The following FHL1 variants were observed in gnomAD, a reference collection of about 807,000 sequenced individuals.
FHL1 encodes four and a half LIM domains protein 1.
A neutral mutation model predicts 20.3 loss-of-function variants in FHL1; 1 was observed. The observed-to-expected ratio is 0.05, with a 90% CI of 0.02 to 0.23. FHL1 has a LOEUF of 0.23. FHL1 is among the 10% of genes least tolerant of loss of function. FHL1 has a pLI of 1.00. For missense variants in FHL1, 177 were observed against 234.0 expected (o/e 0.76, Z 1.59); for synonymous variants, 82 against 88.9 (o/e 0.92, Z 0.44).
At chrX:136,205,527 C>T (rs932817815) in intron 1 of FHL1, among the ~76,000 whole-genome samples, 32 of 112,007 alleles carry the variant, frequency 2.9e-4, no homozygotes, top group African/African-American at 9.7e-4. Context: ...GGTTGCCAAA[C>T]TTGCCTGTGC....
chrX:136,196,569 T>C (rs780319230), upstream of FHL1, among the ~76,000 whole-genome samples: 49 of 111,697 alleles, frequency 4.4e-4, no homozygotes, highest in Non-Finnish European at 7.0e-4. Context: ...AAGGAGGACA[T>C]AGAGTGACAA....
chrX:136,151,807 T>C (rs1490566450), intron 1 of FHL1, among the ~76,000 whole-genome samples: 1 of 112,338 alleles, frequency 8.9e-6, no homozygotes, highest in Non-Finnish European at 1.9e-5. Context: ...GCACTTACTC[T>C]GTGCCAGAGG....
At chrX:136,193,195 T>A (rs1022420901), upstream of FHL1, among the ~76,000 whole-genome samples, 1 of 111,579 alleles carries the variant, frequency 9.0e-6, no homozygotes, top group African/African-American at 3.3e-5. Flanking sequence ...AGTAATTGTC[T>A]GAATAAGTTT....
intron 5 of FHL1, chrX:136,209,061 C>G: frequency 2.2e-6 from 1 of 445,278 alleles, no homozygotes; most frequent in Non-Finnish European, 3.8e-6. Flanking sequence ...TGCCTGTTGG[C>G]AGGGTTTCTT....
chrX:136,148,816 A>G (rs1386417936), intron 1 of FHL1: 2 of 112,622 alleles, frequency 1.8e-5, no homozygotes, highest in Non-Finnish European at 3.8e-5. Context: ...AAGGCTTATT[A>G]ATGGGATGCC....
intron 1 of FHL1, among the ~76,000 whole-genome samples, chrX:136,205,602 A>G (rs773595168): frequency 4.5e-5 from 5 of 111,959 alleles, no homozygotes; most frequent in African/African-American, 1.6e-4. Flanking sequence ...AAAGGCAGTA[A>G]ACTCTCTTGG....
chrX:136,209,137 C>T (rs934851502), intron 5 of FHL1: 3 of 713,562 alleles, frequency 4.2e-6, no homozygotes, highest in Non-Finnish European at 6.2e-6. Context: ...TTCCTCATCT[C>T]GCGGCCGCGA....
upstream of FHL1, among the ~76,000 whole-genome samples, chrX:136,164,772 GGTTGCATATATTCCTATGCAAA>G (rs1314698098): frequency 9.9e-5 from 11 of 111,164 alleles, no homozygotes; most frequent in East Asian, 2.8e-4. Context: ...TATTTTACAG[GGTTGCATATATTCCTATGCAAA>G]GTTGCATATA....
At chrX:136,183,383 G>T (rs1217856967) in intron 2 of FHL1, among the ~76,000 whole-genome samples, 1 of 111,320 alleles carries the variant, frequency 9.0e-6, no homozygotes, top group Non-Finnish European at 1.9e-5. Context: ...CAATGTTTTT[G>T]ATTTCTCTAC....
chrX:136,202,528 C>G (rs1024232874), intron 1 of FHL1, among the ~76,000 whole-genome samples: 3 of 111,681 alleles, frequency 2.7e-5, no homozygotes, highest in African/African-American at 9.8e-5. Flanking sequence ...GAGGCCAAGG[C>G]AGGTGGATCA....
upstream of FHL1, chrX:136,147,339 G>GCGCGCGCC (rs1556630556): frequency 5.1e-5 from 5 of 98,911 alleles, no homozygotes. Flanking sequence ...CGTCTCCCGC[G>GCGCGCGCC]CGCGCGCCCC....
chrX:136,148,662 A>T (rs931916173), intron 1 of FHL1: 4 of 111,457 alleles, frequency 3.6e-5, no homozygotes, highest in Non-Finnish European at 7.5e-5. Context: ...AAAATCATCA[A>T]GGCTAAGCGA....
intron 1 of FHL1, among the ~76,000 whole-genome samples, chrX:136,151,298 G>A (rs1411258319): frequency 1.8e-5 from 2 of 112,789 alleles, no homozygotes; most frequent in Non-Finnish European, 3.7e-5. Flanking sequence ...TCGATATGCC[G>A]AGGTTGATGT....
chrX:136,200,693 G>A (rs1198966988), intron 1 of FHL1, among the ~76,000 whole-genome samples: 1 of 112,019 alleles, frequency 8.9e-6, no homozygotes, highest in Non-Finnish European at 1.9e-5. Context: ...CTGTCATAGA[G>A]AAACCCCACT....
intron 2 of FHL1, among the ~76,000 whole-genome samples, chrX:136,176,022 T>C (rs566346273): frequency 9.4e-4 from 105 of 112,197 alleles, no homozygotes; most frequent in African/African-American, 3.1e-3. Context: ...GTTCCAGTGC[T>C]CTAGTTCCTT....
upstream of FHL1, chrX:136,167,092 A>G (rs1340233716): frequency 2.0e-5 from 1 of 50,829 alleles, no homozygotes; most frequent in Non-Finnish European, 5.6e-5. Context: ...GGAATCTTCT[A>G]GAAACAGTGA....
chrX:136,202,572 A>G (rs1455246102), intron 1 of FHL1, among the ~76,000 whole-genome samples: 1 of 110,993 alleles, frequency 9.0e-6, no homozygotes, highest in Non-Finnish European at 1.9e-5. Flanking sequence ...CCTGGCCAAC[A>G]TGGTGAAACC....
At chrX:136,169,867 T>C in intron 1 of FHL1, 2 of 331,184 alleles carry the variant, frequency 6.0e-6, no homozygotes, top group South Asian at 5.2e-5. Context: ...TCTAAAAAGG[T>C]AACTTTGCCT....
In FHL1 at chrX:136,185,046, C is replaced by T. The variant is rs896948412; in HGVS notation, c.-27+15066C>T. On this transcript the variant is annotated intron_variant, in intron 2 of 6. Transcript: ENST00000394153. ...AACACAATAAAGTCAAAAACATTTACTGTTATTTTCATTAATTGAAAGCTT... is the reference window on the plus strand; with the variant it reads ...AACACAATAAAGTCAAAAACATTTATTGTTATTTTCATTAATTGAAAGCTT... Among the ~76,000 whole-genome samples the T allele has an allele frequency of 2.7e-5, 3 of 111,933 alleles. No individual in the cohort carries two copies. In the South Asian group the frequency reaches 1.1e-3, roughly 41 times the overall value.
Sources: allele counts gnomAD v4.1 joint callset (sites outside exome capture counted in the v4.1 genomes callset), GRCh38; gene constraint gnomAD v4.1.1; transcripts MANE v1.5; gene names NCBI Gene and HGNC (gene_info 2026-07-23, HGNC 2026-07-21).